The following PPA2 variants were observed in gnomAD, a reference collection of about 807,000 sequenced individuals.
The protein encoded by PPA2 is inorganic pyrophosphatase 2, mitochondrial.
In PPA2, 48 loss-of-function variants were observed where a neutral mutation model predicts 49.5. That is an observed-to-expected ratio of 0.97 (90% CI 0.77 to 1.23). The LOEUF (loss-of-function observed/expected upper bound fraction) is 1.23. Among genes scored for constraint, PPA2 ranks in the 50% most tolerant of loss-of-function variants. PPA2 has a pLI of 0.00. For synonymous variants in PPA2, 131 were observed against 139.9 expected, an observed-to-expected ratio of 0.94 and a Z score of 0.45; for missense variants, 429 against 410.1, an observed-to-expected ratio of 1.05 and a Z score of -0.40.
chr4:105,454,296 C>CTGT (rs1560639310), intron 2 of PPA2, among the ~76,000 whole-genome samples: 1 of 115,578 alleles, frequency 8.7e-6, no homozygotes, highest in Non-Finnish European at 1.8e-5. Context: ...TTTGTTTTTG[C>CTGT]TGCTGCTGTT....
intron 7 of PPA2, among the ~76,000 whole-genome samples, chr4:105,411,393 G>A (rs1350789970): frequency 6.6e-6 from 1 of 152,148 alleles, no homozygotes; most frequent in Non-Finnish European, 1.5e-5. Context: ...CAGTACAGGA[G>A]CACCCAGATT....
chr4:105,465,221 T>C (rs1341736389), intron 1 of PPA2, among the ~76,000 whole-genome samples: 1 of 152,238 alleles, frequency 6.6e-6, no homozygotes, highest in Non-Finnish European at 1.5e-5. Flanking sequence ...TATGTGTTTA[T>C]TTTTGGTGAG....
intron 6 of PPA2, among the ~76,000 whole-genome samples, chr4:105,427,356 G>A (rs1723564681): frequency 6.6e-6 from 1 of 152,132 alleles, no homozygotes; most frequent in Non-Finnish European, 1.5e-5. Flanking sequence ...ACTTTGATGA[G>A]TTGACAAAAG....
At chr4:105,394,128 A>C (rs1734035519) in intron 9 of PPA2, among the ~76,000 whole-genome samples, 1 of 152,138 alleles carries the variant, frequency 6.6e-6, no homozygotes, top group African/African-American at 2.4e-5. Context: ...GCACTTTGGG[A>C]GGCCAAGGTG....
chr4:105,447,143 G>A (rs1258320250), intron 4 of PPA2, among the ~76,000 whole-genome samples: 2 of 152,006 alleles, frequency 1.3e-5, no homozygotes, highest in Non-Finnish European at 2.9e-5. Flanking sequence ...CAACCTAAGT[G>A]TCCATCAACA....
intron 3 of PPA2, among the ~76,000 whole-genome samples, chr4:105,452,744 T>G (rs974244742): frequency 6.6e-6 from 1 of 152,114 alleles, no homozygotes; most frequent in Non-Finnish European, 1.5e-5. Context: ...CTGCCTGGCA[T>G]CAGAATCAGA....
chr4:105,453,496 G>T, intron 3 of PPA2, 102 bp downstream of exon 3: 1 of 830,432 alleles, frequency 1.2e-6, no homozygotes, highest in Non-Finnish European at 1.8e-6. Context: ...AAGTCTTGCA[G>T]GGGTAAAAAC....
Position 105,403,699 on chromosome 4 carries a change from G to A in PPA2, c.656-4535C>T, listed in dbSNP as rs530872311. On this transcript the variant is annotated intron_variant, in intron 7 of 11. Coordinates refer to ENST00000341695, the MANE Select transcript of PPA2 (RefSeq NM_176869.3). The stretch of plus-strand genomic sequence containing the variant: ...AACTTTGGTTTATGTTTCTATAAAA[G>A]AAAACCTATAATAACTTAATGAAAA... 3.9e-5 allele frequency among the ~76,000 whole-genome samples: 6 copies of A among 152,114 alleles called. No individual in the cohort carries two copies. In the South Asian group the frequency reaches 1.0e-3, roughly 26 times the overall value.
intron 7 of PPA2, among the ~76,000 whole-genome samples, chr4:105,411,071 C>A (rs529142750): frequency 1.3e-5 from 2 of 152,216 alleles, no homozygotes; most frequent in East Asian, 3.9e-4. Context: ...ACAATATTAA[C>A]CTTAAATGTA....
intron 7 of PPA2, among the ~76,000 whole-genome samples, chr4:105,410,636 A>C (rs1038230587): frequency 2.6e-5 from 4 of 152,234 alleles, no homozygotes; most frequent in Non-Finnish European, 4.4e-5. Flanking sequence ...GTTGAAATGA[A>C]GGAAAAAATG....
intron 5 of PPA2, among the ~76,000 whole-genome samples, chr4:105,440,753 G>T (rs535431699): frequency 6.6e-6 from 1 of 152,150 alleles, no homozygotes; most frequent in East Asian, 1.9e-4. Flanking sequence ...CATTAACTTA[G>T]TTGTGGTGAC....
intron 10 of PPA2, among the ~76,000 whole-genome samples, chr4:105,377,831 T>C (rs1440353716): frequency 2.0e-5 from 3 of 152,158 alleles, no homozygotes; most frequent in African/African-American, 7.2e-5. Context: ...CTCAATATTT[T>C]TTTTTAAGAT....
intron 6 of PPA2, among the ~76,000 whole-genome samples, chr4:105,432,278 C>A (rs1184804376): frequency 6.6e-6 from 1 of 152,064 alleles, no homozygotes; most frequent in Non-Finnish European, 1.5e-5. Context: ...CTATAATGAA[C>A]AAAATACTTA....
intron 6 of PPA2, among the ~76,000 whole-genome samples, chr4:105,436,087 T>C (rs1250886079): frequency 6.6e-6 from 1 of 152,150 alleles, no homozygotes; most frequent in African/African-American, 2.4e-5. Context: ...ACTCCTAGAC[T>C]TGTTAAACAA....
chr4:105,473,998 A>C lies in PPA2; in HGVS notation c.53T>G (p.Leu18Arg), dbSNP rs140480743. The C allele has an allele frequency of 4.7e-4, 752 of 1,607,192 alleles. 2 individuals are homozygous for C. The African/African-American group carries it at 4.8e-3, about 10-fold the overall frequency. Residue 18 changes from leucine (L) to arginine (R), a missense_variant, in exon 1 of 12, where the codon CTG becomes CGG. By Grantham distance (102) the Leu-to-Arg change is moderately radical (BLOSUM62 -2). Transcript: ENST00000341695. ...GGTCCCTGCACTGGTCCCCAACCGC[A>C]GGCACGCAGCGGCTGGGGCACCCGT... ...LRTGAPAAAC[L>R]RLGTSAGTGS... is the part of the protein sequence containing the mutation.
chr4:105,450,601 C>CTTTTTTTTTTTTTTTTTTTTTTTTTTT (rs575896250), intron 3 of PPA2, among the ~76,000 whole-genome samples: 4 of 82,662 alleles, frequency 4.8e-5, no homozygotes, highest in East Asian at 3.9e-4. Context: ...GTCTGGAATT[C>CTTTTTTTTTTTTTTTTTTTTTTTTTTT]TTTTTTTTTT....
chr4:105,432,826 C>A (rs1002288021), intron 6 of PPA2, among the ~76,000 whole-genome samples: 1 of 152,118 alleles, frequency 6.6e-6, no homozygotes, highest in Non-Finnish European at 1.5e-5. Context: ...AGATTGGACA[C>A]CCCTGGTGTA....
At chr4:105,462,427 AAT>A (rs1162036882) in intron 1 of PPA2, among the ~76,000 whole-genome samples, 1 of 152,224 alleles carries the variant, frequency 6.6e-6, no homozygotes, top group African/African-American at 2.4e-5. Context: ...CTGAAAAAAT[AAT>A]AGTTTCTACC....
intron 10 of PPA2, among the ~76,000 whole-genome samples, chr4:105,379,156 A>G (rs1178342070): frequency 6.6e-6 from 1 of 152,062 alleles, no homozygotes; most frequent in Non-Finnish European, 1.5e-5. Flanking sequence ...CTCTTCATTT[A>G]CTTAGTTCTC....
Sources: gnomAD v4.1 joint callset for allele counts (sites outside exome capture counted in the v4.1 genomes callset) on GRCh38, gnomAD v4.1.1 for gene constraint, MANE v1.5 for transcripts, NCBI Gene and HGNC (gene_info 2026-07-23, HGNC 2026-07-21) for gene names.